The following ARHGAP8 variants were observed in gnomAD, a reference collection of about 807,000 sequenced individuals.
ARHGAP8 encodes the protein rho GTPase-activating protein 8.
In ARHGAP8, 62 loss-of-function variants were observed where a neutral mutation model predicts 46.1. The observed-to-expected ratio is 1.34, with a 90% CI of 1.10 to 1.66. The LOEUF (loss-of-function observed/expected upper bound fraction) is 1.66. Among genes scored for constraint, ARHGAP8 ranks in the 40% most tolerant of loss-of-function variants. The probability of loss-of-function intolerance (pLI) is 0.00; values close to 1 mark genes in which losing one functional copy is unlikely to be tolerated. For missense variants in ARHGAP8, 923 were observed against 568.4 expected (o/e 1.62, Z -6.34); for synonymous variants, 375 against 243.1 (o/e 1.54, Z -5.05).
intron 6 of ARHGAP8, among the ~76,000 whole-genome samples, chr22:44,822,968 C>A (rs1207357035): frequency 2.6e-5 from 4 of 152,220 alleles, no homozygotes. Context: ...AAGGCGTATG[C>A]CACACAGCCA....
intron 3 of ARHGAP8, among the ~76,000 whole-genome samples, chr22:44,806,896 G>A (rs1232101518): frequency 1.3e-5 from 2 of 149,438 alleles, no homozygotes; most frequent in African/African-American, 2.5e-5. Flanking sequence ...TCCAGGAGGC[G>A]GAGCTTGCAG....
At chr22:44,811,508 C>T (rs1290992408) in intron 4 of ARHGAP8, among the ~76,000 whole-genome samples, 4 of 152,192 alleles carry the variant, frequency 2.6e-5, no homozygotes, top group African/African-American at 9.6e-5. Context: ...GCCTTCAAGG[C>T]ATCAGATGGA....
chr22:44,783,362 A>C, intron 1 of ARHGAP8, among the ~76,000 whole-genome samples: 1 of 150,518 alleles, frequency 6.6e-6, no homozygotes, highest in South Asian at 2.1e-4. Context: ...AGTCCATTTC[A>C]CTGCCACTCA....
chr22:44,803,126 G>T (rs1008601724), intron 3 of ARHGAP8, among the ~76,000 whole-genome samples: 2 of 152,168 alleles, frequency 1.3e-5, no homozygotes, highest in African/African-American at 2.4e-5. Flanking sequence ...CTGTGGTTTG[G>T]GGTGGGAGAA....
intron 4 of ARHGAP8, among the ~76,000 whole-genome samples, chr22:44,811,069 T>G (rs1929300067): frequency 6.6e-6 from 1 of 152,196 alleles, no homozygotes; most frequent in African/African-American, 2.4e-5. Context: ...CACTTCTCAG[T>G]TGCCAGAAAT....
intron 2 of ARHGAP8, 170 bp from the exon 3 acceptor site, chr22:44,801,907 T>G (rs1928581781): frequency 1.5e-5 from 10 of 657,786 alleles, no homozygotes; most frequent in Admixed American, 5.7e-5. Flanking sequence ...ACCACGTGCA[T>G]AAAGCCACAG....
chr22:44,859,855 C>G lies in ARHGAP8; in HGVS notation c.981+21C>G, dbSNP rs539820979. The G allele has an allele frequency of 4.4e-5, 71 of 1,610,562 alleles. No individual in the cohort carries two copies. The East Asian group carries it at 6.5e-4, about 15-fold the overall frequency. On this transcript the variant is annotated intron_variant, in intron 11 of 11. Coordinates refer to ENST00000356099, the MANE Select transcript of ARHGAP8 (RefSeq NM_181335.3). ...ATGCGGTGAGTGGGGAAGGGGGGAG[C>G]TTGGGGTGAAGCCCAGTGGCCTTCC...
At position 44,859,722 on chromosome 22, in the gene ARHGAP8, C is replaced by A; in HGVS notation, c.878-9C>A. 1 of 1,612,934 alleles carries A rather than the reference C, an allele frequency of 6.2e-7. No individual in the cohort carries two copies. The highest frequency in any genetic ancestry group is 2.2e-5 in the East Asian group (1 of 44,878). On this transcript the variant is annotated splice_polypyrimidine_tract_variant and intron_variant, in intron 10 of 11. Coordinates refer to ENST00000356099, the MANE Select transcript of ARHGAP8 (RefSeq NM_181335.3). Reference sequence around the variant, plus strand: ...CTGGAGCTCAGCAGGGAGCCCCATGCCCTTCCAGGTGTGGAGAGCAGCCTG... The same window carrying A: ...CTGGAGCTCAGCAGGGAGCCCCATGACCTTCCAGGTGTGGAGAGCAGCCTG...
chr22:44,838,739 AG>A (rs1442648418), intron 7 of ARHGAP8, among the ~76,000 whole-genome samples: 2 of 152,150 alleles, frequency 1.3e-5, no homozygotes, highest in African/African-American at 4.8e-5. Flanking sequence ...CAATGGATGC[AG>A]GCTCTCCAGC....
At chr22:44,860,736 G>A (rs919552812) in intron 11 of ARHGAP8, among the ~76,000 whole-genome samples, 1 of 144,322 alleles carries the variant, frequency 6.9e-6, no homozygotes, top group African/African-American at 2.6e-5. Context: ...GATCCATTTG[G>A]AGCAAAAACC....
chr22:44,845,445 A>G lies in ARHGAP8; in HGVS notation c.670+103A>G. On this transcript the variant is annotated intron_variant, in intron 8 of 11. Transcript: ENST00000356099. ...GAGCACCCACAAGCCAGGGGGTGTG[A>G]CCAGGAAGGGAGGGGCTCAAGCACA... is the stretch of plus-strand genomic sequence containing the variant. 2.0e-6 allele frequency: 3 copies of G among 1,511,970 alleles called. No homozygotes were observed. The South Asian group carries it at 3.5e-5, about 18-fold the overall frequency. The allele number at this position is 1,511,970 out of a possible 1,614,324, so 93.7% of individuals were successfully genotyped here.
chr22:44,765,676 G>C (rs1229670566), intron 1 of ARHGAP8, among the ~76,000 whole-genome samples: 2 of 152,150 alleles, frequency 1.3e-5, no homozygotes, highest in East Asian at 1.9e-4. Flanking sequence ...GTCCCCCCGG[G>C]CCAAGGACAG....
At chr22:44,829,602 A>G (rs1423471357) in intron 7 of ARHGAP8, among the ~76,000 whole-genome samples, 2 of 152,238 alleles carry the variant, frequency 1.3e-5, no homozygotes, top group East Asian at 1.9e-4. Context: ...CAGCTTGGAG[A>G]GAGAATCCCT....
chr22:44,822,341 T>G, intron 5 of ARHGAP8, 30 bp from the exon 6 acceptor site: 1 of 1,572,584 alleles, frequency 6.4e-7, no homozygotes, highest in South Asian at 1.2e-5. Flanking sequence ...CGCCTAATCG[T>G]TCTTTATTCT....
chr22:44,826,779 T>C lies in ARHGAP8; in HGVS notation c.596+1186T>C, dbSNP rs914695996. On this transcript the variant is annotated intron_variant, in intron 7 of 11. Transcript: ENST00000356099. ...AAGGTTTTGAGAACTGAGGAGGCTC[T>C]GGGCGGCATCTGGGCCAGGGGAGGA... Among the ~76,000 whole-genome samples, 3 of 152,286 alleles carry C rather than the reference T, an allele frequency of 2.0e-5. No homozygotes were observed. In the East Asian group the frequency reaches 5.8e-4, roughly 29 times the overall value.
chr22:44,775,906 T>G (rs1278227999), intron 1 of ARHGAP8, among the ~76,000 whole-genome samples: 2 of 152,188 alleles, frequency 1.3e-5, no homozygotes, highest in African/African-American at 2.4e-5. Context: ...TCACCTAGAT[T>G]GGCCCACATT....
intron 4 of ARHGAP8, chr22:44,809,387 T>C: frequency 2.8e-6 from 1 of 358,770 alleles, no homozygotes; most frequent in South Asian, 2.1e-5. Context: ...CTCCCACCCC[T>C]GGTCCAGTGA....
At chr22:44,830,285 A>G (rs1387002053) in intron 7 of ARHGAP8, among the ~76,000 whole-genome samples, 1 of 151,748 alleles carries the variant, frequency 6.6e-6, no homozygotes, top group African/African-American at 2.4e-5. Flanking sequence ...CAGCTTCCCA[A>G]AGTGCTGTGA....
intron 7 of ARHGAP8, among the ~76,000 whole-genome samples, chr22:44,835,931 A>T (rs998606969): frequency 6.6e-6 from 1 of 152,196 alleles, no homozygotes; most frequent in East Asian, 1.9e-4. Context: ...TCTGGAGACT[A>T]TACAATCCTT....
Sources: allele counts gnomAD v4.1 joint callset (sites outside exome capture counted in the v4.1 genomes callset), GRCh38; gene constraint gnomAD v4.1.1; transcripts MANE v1.5; gene names NCBI Gene and HGNC (gene_info 2026-07-23, HGNC 2026-07-21).